TGFBR2: variants seen among roughly 807,000 people sequenced by gnomAD.
TGFBR2 encodes the protein TGF-beta receptor type-2.
Under a neutral mutation model 49.0 loss-of-function variants are expected in TGFBR2, and 18 were observed. The observed-to-expected ratio is 0.37, with a 90% CI of 0.25 to 0.54. TGFBR2 has a LOEUF of 0.54. TGFBR2 is among the 20% of genes least tolerant of loss of function. The probability of loss-of-function intolerance (pLI) is 0.85; values close to 1 mark genes in which losing one functional copy is unlikely to be tolerated. For synonymous variants in TGFBR2, 282 were observed against 275.9 expected (o/e 1.02, Z -0.22); for missense variants, 525 against 722.6 (o/e 0.73, Z 3.13).
chr3:30,636,478 G>T lies in TGFBR2; in HGVS notation c.95-8269G>T, dbSNP rs559880250. 1.1e-4 allele frequency among the ~76,000 whole-genome samples: 16 copies of T among 152,212 alleles called. No individual in the cohort carries two copies. In the South Asian group the frequency reaches 3.1e-3, roughly 30 times the overall value. ...CAGAGGCTATGTGGGGCTGTCACTT[G>T]AATGAAAGCTGCATGCATCTGCCAT... On this transcript the variant is annotated intron_variant, in intron 1 of 6. Transcript: ENST00000295754.
intron 1 of TGFBR2, among the ~76,000 whole-genome samples, chr3:30,643,111 T>C (rs940301006): frequency 6.6e-6 from 1 of 152,188 alleles, no homozygotes; most frequent in Admixed American, 6.5e-5. Flanking sequence ...GGGCAAAGTA[T>C]CTATGACAGA....
intron 1 of TGFBR2, among the ~76,000 whole-genome samples, chr3:30,617,637 A>G (rs1698155792): frequency 6.6e-6 from 1 of 152,128 alleles, no homozygotes. Context: ...CCTGAATATT[A>G]CATTTTATGA....
intron 5 of TGFBR2, among the ~76,000 whole-genome samples, chr3:30,679,035 C>A (rs1464688577): frequency 6.6e-6 from 1 of 152,192 alleles, no homozygotes; most frequent in East Asian, 1.9e-4. Flanking sequence ...TCCAAGCTCA[C>A]CTCCACGCCA....
intron 3 of TGFBR2, among the ~76,000 whole-genome samples, chr3:30,653,131 C>A (rs1489601854): frequency 3.9e-5 from 6 of 151,918 alleles, no homozygotes; most frequent in Non-Finnish European, 5.9e-5. Flanking sequence ...TTTTAAGCAT[C>A]TCTTTTCTGT....
chr3:30,688,139 C>T (rs936229368), intron 5 of TGFBR2, among the ~76,000 whole-genome samples: 3 of 152,186 alleles, frequency 2.0e-5, no homozygotes, highest in African/African-American at 7.2e-5. Flanking sequence ...ACTGTGTCCC[C>T]CAGCGTAACA....
At chr3:30,633,108 A>G (rs1237590621) in intron 1 of TGFBR2, among the ~76,000 whole-genome samples, 1 of 152,214 alleles carries the variant, frequency 6.6e-6, no homozygotes, top group African/African-American at 2.4e-5. Context: ...ATTGTGGAGT[A>G]TCAGGAAGGA....
At chr3:30,668,468 G>T (rs1395488687) in intron 3 of TGFBR2, among the ~76,000 whole-genome samples, 3 of 152,236 alleles carry the variant, frequency 2.0e-5, no homozygotes, top group Non-Finnish European at 4.4e-5. Flanking sequence ...AGCCTAAGTG[G>T]AAATGCCGAC....
chr3:30,632,139 C>T (rs1698449618), intron 1 of TGFBR2, among the ~76,000 whole-genome samples: 1 of 152,074 alleles, frequency 6.6e-6, no homozygotes, highest in Admixed American at 6.5e-5. Context: ...GTTTTATTTC[C>T]TTGAAAAGTA....
chr3:30,610,509 G>A (rs562180505), intron 1 of TGFBR2, among the ~76,000 whole-genome samples: 12 of 152,224 alleles, frequency 7.9e-5, no homozygotes, highest in African/African-American at 2.6e-4. Flanking sequence ...GACCCAATGC[G>A]TTCATTTAGT....
At position 30,675,451 on chromosome 3, in the gene TGFBR2, A is replaced by G. The variant is rs17026214; in HGVS notation, c.1396+1205A>G. Among the ~76,000 whole-genome samples, 1,134 of 151,300 alleles carry G rather than the reference A, an allele frequency of 7.5e-3. 19 individuals are homozygous for G. The highest frequency in any genetic ancestry group is 0.026 in the African/African-American group (1,086 of 41,154). On this transcript the variant is annotated intron_variant, in intron 5 of 6. Coordinates refer to ENST00000295754, the MANE Select transcript of TGFBR2 (RefSeq NM_003242.6). ...ACCCAGGCTGGAGTGCAATGGCGCA[A>G]TCTCGGCTGACTGCAACCTCTGCCT...
chr3:30,671,558 G>A, intron 3 of TGFBR2, 80 bp from the exon 4 acceptor site: 2 of 1,388,832 alleles, frequency 1.4e-6, no homozygotes, highest in South Asian at 1.2e-5. Flanking sequence ...ATCTATAGAT[G>A]CTCAGGCATG....
rs146789320 is a variant in TGFBR2 at position 30,616,234 on chromosome 3, C to T, written c.94+9257C>T. Among the ~76,000 whole-genome samples the T allele has an allele frequency of 1.3e-3, 193 of 152,252 alleles. 1 individual carries two copies. Among genetic ancestry groups the T allele is most frequent in the African/African-American group, 4.5e-3 (187 of 41,534 alleles). On this transcript the variant is annotated intron_variant, in intron 1 of 6. Transcript: ENST00000295754. ...AGAAAATAAATGTTAAAAAATGCCT[C>T]TTCCTCCTTCCCCCCATTGCAAACA...
intron 1 of TGFBR2, among the ~76,000 whole-genome samples, chr3:30,641,774 G>T (rs1287334905): frequency 6.6e-6 from 1 of 151,050 alleles, no homozygotes; most frequent in Non-Finnish European, 1.5e-5. Context: ...CTCTTGTTGG[G>T]TCTACCCATC....
Position 30,651,715 on chromosome 3 carries a change from A to C in TGFBR2, c.454+1255A>C, listed in dbSNP as rs574129585. On this transcript the variant is annotated intron_variant, in intron 3 of 6. Coordinates refer to ENST00000295754, the MANE Select transcript of TGFBR2 (RefSeq NM_003242.6). ...TATTTCTGCAAGGCAGATTGCCAGA[A>C]GTGAAATTTCTAGATTAGAAATATG... 1.1e-4 allele frequency among the ~76,000 whole-genome samples: 17 copies of C among 152,370 alleles called. No individual in the cohort carries two copies. The South Asian group carries it at 3.5e-3, about 32-fold the overall frequency.
chr3:30,675,670 C>A (rs1194240815), intron 5 of TGFBR2, among the ~76,000 whole-genome samples: 1 of 152,202 alleles, frequency 6.6e-6, no homozygotes, highest in Non-Finnish European at 1.5e-5. Context: ...CAGGCGTGAG[C>A]CACTGCACCC....
intron 5 of TGFBR2, among the ~76,000 whole-genome samples, chr3:30,678,546 T>TAAAAA (rs1553630848): frequency 9.9e-6 from 1 of 100,842 alleles, no homozygotes; most frequent in East Asian, 2.8e-4. Context: ...AGACTGCGTC[T>TAAAAA]AAAAAAAAAA....
At chr3:30,627,472 A>G (rs905617627) in intron 1 of TGFBR2, among the ~76,000 whole-genome samples, 24 of 151,942 alleles carry the variant, frequency 1.6e-4, no homozygotes, top group African/African-American at 5.8e-4. Context: ...ACCACTACAA[A>G]AAGTTCACCT....
chr3:30,615,718 A>T (rs1698118584), intron 1 of TGFBR2, among the ~76,000 whole-genome samples: 1 of 147,998 alleles, frequency 6.8e-6, no homozygotes, highest in South Asian at 2.1e-4. Flanking sequence ...GCTTTTAAAA[A>T]TTTGTTGTTT....
chr3:30,624,711 T>C (rs895987691), intron 1 of TGFBR2, among the ~76,000 whole-genome samples: 2 of 152,244 alleles, frequency 1.3e-5, no homozygotes, highest in Non-Finnish European at 2.9e-5. Context: ...TACTACTAGC[T>C]TTATATAAAT....
Sources: allele counts gnomAD v4.1 joint callset (sites outside exome capture counted in the v4.1 genomes callset), GRCh38; gene constraint gnomAD v4.1.1; transcripts MANE v1.5; gene names NCBI Gene and HGNC (gene_info 2026-07-23, HGNC 2026-07-21).